C2CD3: variants seen among roughly 807,000 people sequenced by gnomAD.
The protein encoded by C2CD3 is C2 domain containing 3 centriole elongation regulator.
Under a neutral mutation model 234.0 loss-of-function variants are expected in C2CD3, and 148 were observed. That is an observed-to-expected ratio of 0.63 (90% CI 0.55 to 0.72). The LOEUF is 0.72. Among genes scored for constraint, C2CD3 ranks in the 30% least tolerant of loss-of-function variants. The pLI is 0.00. For missense variants in C2CD3, 2,577 were observed against 2,811.5 expected (o/e 0.92, Z 1.89); for synonymous variants, 1,000 against 1,035.4 (o/e 0.97, Z 0.66).
At chr11:74,120,898 C>T (rs2135521173) in intron 8 of C2CD3, among the ~76,000 whole-genome samples, 1 of 152,024 alleles carries the variant, frequency 6.6e-6, no homozygotes. Context: ...TGGCTCATGC[C>T]TGTAATTTCA....
intron 3 of C2CD3, among the ~76,000 whole-genome samples, chr11:74,144,784 A>G (rs1210196343): frequency 6.6e-6 from 1 of 152,234 alleles, no homozygotes; most frequent in East Asian, 1.9e-4. Flanking sequence ...ACATGATCTC[A>G]TTCTTTTTTA....
At chr11:74,101,400 G>A (rs11235999) in intron 14 of C2CD3, among the ~76,000 whole-genome samples, 27,363 of 152,116 alleles carry the variant, frequency 0.18, 2,666 homozygotes, top group East Asian at 0.3. Flanking sequence ...TAGAAAACAT[G>A]AGAGGCAAAA....
At chr11:74,135,384 C>G (rs1178492761) in intron 5 of C2CD3, among the ~76,000 whole-genome samples, 1 of 152,112 alleles carries the variant, frequency 6.6e-6, no homozygotes, top group Non-Finnish European at 1.5e-5. Context: ...CCTCCCACCA[C>G]AGCCTCCCAA....
At chr11:74,155,656 T>C (rs1855963502) in intron 3 of C2CD3, among the ~76,000 whole-genome samples, 1 of 152,096 alleles carries the variant, frequency 6.6e-6, no homozygotes, top group East Asian at 1.9e-4. Context: ...CCACATATAT[T>C]ATTCCATCTG....
chr11:74,072,569 T>C (rs1378032168), intron 24 of C2CD3, among the ~76,000 whole-genome samples: 1 of 152,116 alleles, frequency 6.6e-6, no homozygotes, highest in Non-Finnish European at 1.5e-5. Flanking sequence ...ATCACAGCCA[T>C]TTACAGATGA....
In C2CD3 at chr11:74,049,436, G is replaced by A; in HGVS notation, c.5262C>T (p.Cys1754=). ...AGACAGCAACTTTTATCTGCCCCTG[G>A]CACTCTCCACTGAAGTCTGTGATGT... ...WYNITDFSGE[C]QGQIKVAVSP... is the part of the protein sequence containing the mutation. Residue 1754 remains cysteine (C), a synonymous_variant, in exon 27 of 33, where the codon TGC becomes TGT. Transcript: ENST00000334126. 6.2e-7 allele frequency: 1 copy of A among 1,613,842 alleles called. No individual in the cohort carries two copies. Among genetic ancestry groups the A allele is most frequent in the Non-Finnish European group, 8.5e-7 (1 of 1,179,940 alleles).
chr11:74,028,283 T>C lies in C2CD3; in HGVS notation c.6921+4A>G, dbSNP rs1952386578. 1.3e-6 allele frequency: 2 copies of C among 1,532,130 alleles called. No individual in the cohort carries two copies. The highest frequency in any genetic ancestry group is 1.7e-6 in the Non-Finnish European group (2 of 1,143,236). The allele number at this position is 1,532,130 out of a possible 1,614,324, so 94.9% of individuals were successfully genotyped here. A position where few individuals can be genotyped will look rare whatever the true frequency, so the allele number is the denominator to read the frequency against. On this transcript the variant is annotated splice_donor_region_variant and intron_variant, in intron 32 of 32. Coordinates refer to ENST00000334126, the MANE Select transcript of C2CD3 (RefSeq NM_001286577.2). ...GAAGAAAGGTCAGTTGGCCATTCTC[T>C]TACCTGATCTGTTGTGGCTGCTGGT...
In C2CD3 at chr11:74,112,565, G is replaced by C. The variant is rs886367563; in HGVS notation, c.1843+1215C>G. Among the ~76,000 whole-genome samples the C allele has an allele frequency of 4.6e-5, 7 of 152,046 alleles. 1 individual carries two copies. Among genetic ancestry groups the C allele is most frequent in the African/African-American group, 1.7e-4 (7 of 41,390 alleles). On this transcript the variant is annotated intron_variant, in intron 11 of 32. Transcript: ENST00000334126. ...ATTTGCAAATCATAGATCTGATAAG[G>C]GGCTTGTATCTAGGATATACAAAGA...
At chr11:74,157,187 C>G in intron 3 of C2CD3, among the ~76,000 whole-genome samples, 1 of 152,272 alleles carries the variant, frequency 6.6e-6, no homozygotes, top group Middle Eastern at 3.4e-3. Context: ...TAGACTATAA[C>G]TTTAATATTG....
chr11:74,036,550 A>G, intron 30 of C2CD3: 1 of 455,302 alleles, frequency 2.2e-6, no homozygotes, highest in South Asian at 1.6e-5. Flanking sequence ...CTCTCCTGTT[A>G]GACAAAGAAA....
At chr11:74,037,326 G>A (rs1175293880) in intron 30 of C2CD3, 152 bp downstream of exon 30, 74 of 679,534 alleles carry the variant, frequency 1.1e-4, no homozygotes, top group South Asian at 1.1e-3. Flanking sequence ...CTTTTCAAAC[G>A]CAAGATGGTT....
At chr11:74,101,147 G>A (rs1207635370) in intron 14 of C2CD3, among the ~76,000 whole-genome samples, 2 of 152,198 alleles carry the variant, frequency 1.3e-5, no homozygotes, top group Admixed American at 6.5e-5. Flanking sequence ...CAAAAGCTCT[G>A]CCCAACAGGT....
chr11:74,017,075 A>T (rs942155240), intron 32 of C2CD3, among the ~76,000 whole-genome samples: 3 of 152,166 alleles, frequency 2.0e-5, no homozygotes, highest in Admixed American at 1.3e-4. Flanking sequence ...TTGCTAGGAA[A>T]GTGGTGGGGG....
rs553137509 is a variant in C2CD3 at position 74,139,759 on chromosome 11, T to C, written c.553A>G (p.Thr185Ala). Residue 185 changes from threonine to alanine, a missense_variant, in exon 4 of 33, where the codon ACA becomes GCA. Physicochemically the swap from Thr to Ala is moderately conservative, Grantham distance 58. Coordinates refer to ENST00000334126, the MANE Select transcript of C2CD3 (RefSeq NM_001286577.2). ...TGCTTAGATAAAAGCACATTTTCTG[T>C]CATGTCAGTGGTAGGAAGTGGATGG... is the stretch of plus-strand genomic sequence containing the variant. ...SYHPLPTTDMTENVLLSKQGF... is the reference protein window; with the variant it reads ...SYHPLPTTDMAENVLLSKQGF... 8 of 1,613,816 alleles carry C rather than the reference T, an allele frequency of 5.0e-6. No individual in the cohort carries two copies. The highest frequency in any genetic ancestry group is 2.2e-5 in the East Asian group (1 of 44,878).
Position 74,095,271 on chromosome 11 carries a change from G to A in C2CD3, c.3117C>T (p.His1039=). The change falls in exon 17 of 33, where the codon CAC becomes CAT. Residue 1039 remains histidine, a synonymous_variant. Transcript: ENST00000334126. The part of the protein sequence containing the change: ...CYVQYYFPVQ[H]SQSSVLKGPE... ...GTCCTTTCAGCACACTGGATTGAGA[G>A]TGTTGAACTGGAAAGTAGTACTGGA... is the stretch of plus-strand genomic sequence containing the variant. The A allele has an allele frequency of 1.2e-6, 2 of 1,613,728 alleles. No homozygotes were observed. The highest frequency in any genetic ancestry group is 1.7e-6 in the Non-Finnish European group (2 of 1,179,716).
At position 74,033,533 on chromosome 11, in the gene C2CD3, A is replaced by G; in HGVS notation, c.6627T>C (p.Ala2209=). The G allele has an allele frequency of 2.0e-6, 3 of 1,536,122 alleles. No individual in the cohort carries two copies. Among genetic ancestry groups the G allele is most frequent in the Non-Finnish European group, 2.6e-6 (3 of 1,146,908 alleles). The stretch of plus-strand genomic sequence containing the variant: ...GCTCACTGGTGGCAGCTTCATTCTC[A>G]GCTGGGGCCTCTGACTTGGGCTCCT... ...QNKEPKSEAP[A]ENEAATSELG... The change falls in exon 31 of 33, where the codon GCT becomes GCC. Residue 2209 remains alanine, a synonymous_variant. Coordinates refer to ENST00000334126, the MANE Select transcript of C2CD3 (RefSeq NM_001286577.2).
intron 22 of C2CD3, among the ~76,000 whole-genome samples, chr11:74,080,575 C>T (rs973790637): frequency 2.0e-5 from 3 of 152,148 alleles, no homozygotes; most frequent in Non-Finnish European, 2.9e-5. Context: ...TTTAGCTTTG[C>T]GATTCTATAA....
intron 5 of C2CD3, among the ~76,000 whole-genome samples, chr11:74,138,279 A>C (rs941411936): frequency 3.3e-5 from 5 of 152,206 alleles, no homozygotes; most frequent in African/African-American, 1.2e-4. Flanking sequence ...TCCCAGGATT[A>C]AGATCAGCAG....
At chr11:74,054,510 A>G (rs1953868572) in intron 26 of C2CD3, 97 bp downstream of exon 26, 3 of 348,652 alleles carry the variant, frequency 8.6e-6, no homozygotes, top group South Asian at 5.1e-5. Flanking sequence ...TGGTTTGGAA[A>G]AAAAAAAAAA....
Sources: allele counts gnomAD v4.1 joint callset (sites outside exome capture counted in the v4.1 genomes callset), GRCh38; gene constraint gnomAD v4.1.1; transcripts MANE v1.5; gene names NCBI Gene and HGNC (gene_info 2026-07-23, HGNC 2026-07-21).